Variants in LOC128706666 observed in about 807,000 individuals in gnomAD.
chr20:10,433,781 G>A, the LOC128706666 span, among the ~76,000 whole-genome samples: 12 of 152,264 alleles, frequency 7.9e-5, no homozygotes, highest in African/African-American at 2.6e-4. Flanking sequence ...GGGAGGGGAC[G>A]GGGAGTCACA....
At chr20:10,418,369 A>G in the LOC128706666 span, among the ~76,000 whole-genome samples, 1 of 152,242 alleles carries the variant, frequency 6.6e-6, no homozygotes, top group African/African-American at 2.4e-5. Flanking sequence ...AGGGCTCAAT[A>G]TACTATCCTC....
the LOC128706666 span, among the ~76,000 whole-genome samples, chr20:10,425,045 C>A: frequency 6.8e-6 from 1 of 146,830 alleles, no homozygotes. Flanking sequence ...AAGAGCTAAA[C>A]TCCGTCTCAA....
At chr20:10,417,325 C>T in the LOC128706666 span, among the ~76,000 whole-genome samples, 2 of 151,842 alleles carry the variant, frequency 1.3e-5, no homozygotes, top group Non-Finnish European at 2.9e-5. Flanking sequence ...ATCTTAGCAA[C>T]ACTGGCTAGA....
At chr20:10,426,623 C>T in the LOC128706666 span, among the ~76,000 whole-genome samples, 1 of 152,184 alleles carries the variant, frequency 6.6e-6, no homozygotes, top group Non-Finnish European at 1.5e-5. Context: ...GGTCTCAACT[C>T]CTGGCCTCAA....
the LOC128706666 span, among the ~76,000 whole-genome samples, chr20:10,423,364 G>C: frequency 6.6e-6 from 1 of 152,158 alleles, no homozygotes; most frequent in Non-Finnish European, 1.5e-5. Flanking sequence ...TGAGGCTGCG[G>C]TGAGCTGAGA....
chr20:10,416,950 C>G, the LOC128706666 span, among the ~76,000 whole-genome samples: 1 of 152,022 alleles, frequency 6.6e-6, no homozygotes, highest in African/African-American at 2.4e-5. Flanking sequence ...TCTGCAAAGC[C>G]TAAAATATTT....
chr20:10,426,159 T>C, the LOC128706666 span, among the ~76,000 whole-genome samples: 3 of 152,230 alleles, frequency 2.0e-5, no homozygotes, highest in African/African-American at 7.2e-5. Flanking sequence ...GAAGAAACAT[T>C]AAATGATTGA....
At chr20:10,431,862 A>G in the LOC128706666 span, 1 of 152,190 alleles carries the variant, frequency 6.6e-6, no homozygotes. Context: ...TTCAGCTCTT[A>G]GTTCAGATGT....
At chr20:10,421,794 T>A in the LOC128706666 span, among the ~76,000 whole-genome samples, 7 of 151,578 alleles carry the variant, frequency 4.6e-5, 1 homozygote, top group South Asian at 1.5e-3. Context: ...ATATATATAT[T>A]TTAAATTTGG....
the LOC128706666 span, among the ~76,000 whole-genome samples, chr20:10,422,940 T>A: frequency 1.3e-5 from 2 of 152,056 alleles, no homozygotes; most frequent in East Asian, 3.9e-4. Flanking sequence ...CTCGATCTCC[T>A]GACCTTGCGA....
the LOC128706666 span, among the ~76,000 whole-genome samples, chr20:10,428,875 C>G: frequency 1.3e-5 from 2 of 152,002 alleles, no homozygotes; most frequent in African/African-American, 4.8e-5. Context: ...AACTCCTTGC[C>G]TGCTGTCAGA....
chr20:10,427,567 T>A, the LOC128706666 span, among the ~76,000 whole-genome samples: 1 of 152,238 alleles, frequency 6.6e-6, no homozygotes, highest in Non-Finnish European at 1.5e-5. Context: ...ATCATCAACA[T>A]TCAAAAGTTA....
chr20:10,421,123 A>T, the LOC128706666 span, among the ~76,000 whole-genome samples: 1 of 152,084 alleles, frequency 6.6e-6, no homozygotes, highest in Non-Finnish European at 1.5e-5. Flanking sequence ...TTTTTAAATT[A>T]TATTTTTTAA....
the LOC128706666 span, among the ~76,000 whole-genome samples, chr20:10,419,773 G>A: frequency 6.6e-6 from 1 of 152,192 alleles, no homozygotes; most frequent in South Asian, 2.1e-4. Context: ...CACATCCTGC[G>A]TGGATGAAGT....
At chr20:10,428,709 T>A in the LOC128706666 span, among the ~76,000 whole-genome samples, 1,710 of 152,200 alleles carry the variant, frequency 0.011, 17 homozygotes, top group Middle Eastern at 0.027. Context: ...ATGTGGTGGG[T>A]GCACCTGTAA....
chr20:10,433,587 C>G, the LOC128706666 span, among the ~76,000 whole-genome samples: 3 of 152,300 alleles, frequency 2.0e-5, no homozygotes, highest in South Asian at 6.2e-4. Context: ...CGAGCATGAC[C>G]TTAGAGGGTC....
chr20:10,418,637 C>A, the LOC128706666 span, among the ~76,000 whole-genome samples: 1 of 152,126 alleles, frequency 6.6e-6, no homozygotes, highest in East Asian at 1.9e-4. Context: ...ATTCACCTAA[C>A]ATTTTAGAGG....
chr20:10,424,055 A>G, the LOC128706666 span, among the ~76,000 whole-genome samples: 1 of 152,216 alleles, frequency 6.6e-6, no homozygotes, highest in Non-Finnish European at 1.5e-5. Context: ...GGCTTGGGAA[A>G]TGATTAGGAT....
the LOC128706666 span, among the ~76,000 whole-genome samples, chr20:10,418,355 C>A: frequency 6.6e-6 from 1 of 152,176 alleles, no homozygotes; most frequent in Non-Finnish European, 1.5e-5. Flanking sequence ...TTGATGGATA[C>A]TTGAGGGCTC....
Sources: allele counts gnomAD v4.1 joint callset (sites outside exome capture counted in the v4.1 genomes callset), GRCh38; gene constraint gnomAD v4.1.1; transcripts MANE v1.5.